Variants in CALCB observed in about 807,000 individuals in gnomAD.
The protein encoded by CALCB is calcitonin gene-related peptide 2.
CALCB carries 8 observed loss-of-function variants against 10.7 expected under a neutral mutation model. The observed-to-expected ratio is 0.75, with a 90% CI of 0.44 to 1.34. The LOEUF (loss-of-function observed/expected upper bound fraction) is 1.34, where lower values mean the gene tolerates loss of function less well. CALCB is among the 40% of genes most tolerant of loss of function. The pLI is 0.01. For missense variants in CALCB, 176 were observed against 162.5 expected (o/e 1.08, Z -0.45); for synonymous variants, 76 against 66.9 (o/e 1.14, Z -0.66).
Position 15,075,116 on chromosome 11 carries a change from C to T in CALCB, c.142C>T (p.Leu48Phe), listed in dbSNP as rs777490359. ...PATLSKEDAR[L>F]LLAALVQDYV... is the part of the protein sequence containing the mutation. ...CACACTCAGTAAAGAGGACGCGCGC[C>T]TCCTGCTGGCTGCACTGGTGCAGGA... Residue 48 changes from leucine to phenylalanine, a missense_variant, in exon 3 of 5, where the codon CTC becomes TTC. Transcript: ENST00000324229. The T allele has an allele frequency of 7.4e-6, 12 of 1,614,102 alleles. No homozygotes were observed.
intron 1 of CALCB, 140 bp from the exon 2 acceptor site, chr11:15,074,570 C>T: frequency 1.6e-6 from 1 of 641,162 alleles, no homozygotes; most frequent in Non-Finnish European, 2.8e-6. Context: ...AGATTCACAG[C>T]AGCCCTTCCT....
chr11:15,074,849 C>T, intron 2 of CALCB, 45 bp downstream of exon 2: 1 of 1,543,074 alleles, frequency 6.5e-7, no homozygotes, highest in Non-Finnish European at 8.9e-7. Flanking sequence ...CCCACTGCCC[C>T]TAGGACCAGA....
chr11:15,074,310 T>A (rs967850865), intron 1 of CALCB, among the ~76,000 whole-genome samples: 2 of 151,994 alleles, frequency 1.3e-5, no homozygotes, highest in African/African-American at 4.8e-5. Context: ...CACCTTCCCC[T>A]CGCATGCGTT....
chr11:15,074,474 C>CA (rs1590301697), intron 1 of CALCB, among the ~76,000 whole-genome samples: 1 of 152,182 alleles, frequency 6.6e-6, no homozygotes, highest in East Asian at 1.9e-4. Flanking sequence ...AAAACAGAAC[C>CA]AAAATTCATC....
At chr11:15,073,726 C>G (rs1850368975) in intron 1 of CALCB, 63 bp downstream of exon 1, 1 of 152,538 alleles carries the variant, frequency 6.6e-6, no homozygotes, top group Admixed American at 6.5e-5. Flanking sequence ...ACTAGTTCAT[C>G]CAGTTTGCTC....
At position 15,078,607 on chromosome 11, in the gene CALCB, GATA is replaced by G. The variant is rs921931737; in HGVS notation, c.*558_*560del. 4 of 152,286 alleles carry G rather than the reference GATA, an allele frequency of 2.6e-5. No individual in the cohort carries two copies. The highest frequency in any genetic ancestry group is 1.9e-4 in the East Asian group (1 of 5,194). The allele number at this position is 152,286 out of a possible 1,614,324, so 9.4% of individuals were successfully genotyped here. On this transcript the variant is annotated 3_prime_UTR_variant, in exon 5 of 5. Coordinates refer to ENST00000324229, the MANE Select transcript of CALCB (RefSeq NM_000728.4). ...ATGTAATAATAATGATGATGATGAT[GATA>G]ATAATAAATATTTTTGAGTGCTTAC... is the stretch of plus-strand genomic sequence containing the variant.
chr11:15,075,049 T>TC lies in CALCB; in HGVS notation c.87-9dup. ...GCTCACAGCCTGCAAGGAGTTTGCT[T>TC]CCCTTCCACAGGTCTGCCCTGGAGA... is the stretch of plus-strand genomic sequence containing the variant. On this transcript the variant is annotated splice_polypyrimidine_tract_variant and intron_variant, in intron 2 of 4. Coordinates refer to ENST00000324229, the MANE Select transcript of CALCB (RefSeq NM_000728.4). The TC allele has an allele frequency of 6.2e-7, 1 of 1,614,100 alleles. No individual in the cohort carries two copies. Among genetic ancestry groups the TC allele is most frequent in the Non-Finnish European group, 8.5e-7 (1 of 1,179,988 alleles).
At position 15,075,050 on chromosome 11, in the gene CALCB, C is replaced by G. The variant is rs748987067; in HGVS notation, c.87-11C>G. On this transcript the variant is annotated splice_polypyrimidine_tract_variant and intron_variant, in intron 2 of 4. Coordinates refer to ENST00000324229, the MANE Select transcript of CALCB (RefSeq NM_000728.4). ...CTCACAGCCTGCAAGGAGTTTGCTT[C>G]CCTTCCACAGGTCTGCCCTGGAGAG... 3.1e-6 allele frequency: 5 copies of G among 1,614,174 alleles called. No homozygotes were observed. In the South Asian group the frequency reaches 4.4e-5, roughly 14 times the overall value.
chr11:15,075,197 A>G lies in CALCB; in HGVS notation c.223A>G (p.Ser75Gly). The change falls in exon 3 of 5, where the codon AGC becomes GGC. Residue 75 changes from serine to glycine, a missense_variant and splice_region_variant. Physicochemically the swap from Ser to Gly is moderately conservative, Grantham distance 56 (BLOSUM62 0). Transcript: ENST00000324229. ...LKQEQETQGS[S>G]SAAQKRACNT... ...GCAGGAGCAGGAGACACAGGGCTCC[A>G]GGTGAGGTTCCCCAAGCGCCCAGCA... is the stretch of plus-strand genomic sequence containing the variant. 1 of 1,614,106 alleles carries G rather than the reference A, an allele frequency of 6.2e-7. No homozygotes were observed. Among genetic ancestry groups the G allele is most frequent in the South Asian group, 1.1e-5 (1 of 91,066 alleles).
rs773048356 is a variant in CALCB, at chr11:15,077,410, G to A, written c.349G>A (p.Ala117Thr). 6 of 1,614,110 alleles carry A rather than the reference G, an allele frequency of 3.7e-6. No individual in the cohort carries two copies. In the East Asian group the frequency reaches 1.3e-4, roughly 36 times the overall value. Reference protein sequence around the residue: ...NFVPTNVGSKAFGRRRRDLQA With the variant: ...NFVPTNVGSKTFGRRRRDLQA ...CGTGCCCACCAATGTGGGTTCCAAA[G>A]CCTTTGGCAGGCGCCGCAGGGACCT... is the stretch of plus-strand genomic sequence containing the variant. The change falls in exon 4 of 5, where the codon GCC becomes ACC. Residue 117 changes from alanine to threonine, a missense_variant. Transcript: ENST00000324229.
At chr11:15,074,631 C>A in intron 1 of CALCB, 79 bp from the exon 2 acceptor site, 2 of 1,094,262 alleles carry the variant, frequency 1.8e-6, no homozygotes, top group South Asian at 1.4e-5. Context: ...TGCCTAAGGT[C>A]ACATGGCAGT....
chr11:15,073,822 G>A (rs927119495), intron 1 of CALCB, among the ~76,000 whole-genome samples, 159 bp downstream of exon 1: 34 of 152,386 alleles, frequency 2.2e-4, no homozygotes, highest in Admixed American at 2.1e-3. Flanking sequence ...TAGAAGGCGA[G>A]CGGTTAGGGT....
At chr11:15,074,831 C>T (rs763360487) in intron 2 of CALCB, 27 bp downstream of exon 2, 1 of 1,592,946 alleles carries the variant, frequency 6.3e-7, no homozygotes, top group Non-Finnish European at 8.6e-7. Flanking sequence ...CCAGAGGCGC[C>T]TTCTGCTCCC....
intron 3 of CALCB, 130 bp from the exon 4 acceptor site, chr11:15,077,156 T>C (rs1850402774): frequency 1.3e-5 from 13 of 970,650 alleles, no homozygotes; most frequent in Non-Finnish European, 1.8e-5. Flanking sequence ...CTAACAGCTT[T>C]GATAATTGCA....
chr11:15,075,756 G>A (rs1457116392), intron 3 of CALCB, among the ~76,000 whole-genome samples: 1 of 152,186 alleles, frequency 6.6e-6, no homozygotes, highest in Non-Finnish European at 1.5e-5. Context: ...AGATGTGCAA[G>A]CTCTGTGGAG....
At position 15,074,803 on chromosome 11, in the gene CALCB, A is replaced by C. The variant is rs746992399; in HGVS notation, c.85A>C (p.Arg29=). 6.2e-7 allele frequency: 1 copy of C among 1,612,720 alleles called. No homozygotes were observed. Among genetic ancestry groups the C allele is most frequent in the Non-Finnish European group, 8.5e-7 (1 of 1,179,284 alleles). Residue 29 remains arginine, a splice_region_variant and synonymous_variant, in exon 2 of 5, where the codon AGG becomes CGG. Coordinates refer to ENST00000324229, the MANE Select transcript of CALCB (RefSeq NM_000728.4). ...GGGCAGCCTCCAGGCGGCGCCATTC[A>C]GGTGAGACAGCCTGGAGCCAGAGGC... ...QAGSLQAAPF[R]SALESSPDPA...
At chr11:15,074,632 A>G in intron 1 of CALCB, 78 bp from the exon 2 acceptor site, 1 of 1,098,700 alleles carries the variant, frequency 9.1e-7, no homozygotes, top group Non-Finnish European at 1.4e-6. Context: ...GCCTAAGGTC[A>G]CATGGCAGTT....
At position 15,074,788 on chromosome 11, in the gene CALCB, C is replaced by G; in HGVS notation, c.70C>G (p.Gln24Glu). Residue 24 changes from glutamine to glutamate, a missense_variant, in exon 2 of 5, where the codon CAG (glutamine) becomes GAG (glutamate). Coordinates refer to ENST00000324229, the MANE Select transcript of CALCB (RefSeq NM_000728.4). Reference sequence around the variant, plus strand: ...GGTCCTGTACCAGGCGGGCAGCCTCCAGGCGGCGCCATTCAGGTGAGACAG... The same window carrying G: ...GGTCCTGTACCAGGCGGGCAGCCTCGAGGCGGCGCCATTCAGGTGAGACAG... ...ILVLYQAGSLQAAPFRSALES... is the reference protein window; with the variant it reads ...ILVLYQAGSLEAAPFRSALES... 6.2e-7 allele frequency: 1 copy of G among 1,613,834 alleles called. No individual in the cohort carries two copies. The highest frequency in any genetic ancestry group is 2.2e-5 in the East Asian group (1 of 44,878).
chr11:15,075,546 TCTC>T (rs1278349105), intron 3 of CALCB, among the ~76,000 whole-genome samples: 1 of 152,126 alleles, frequency 6.6e-6, no homozygotes, highest in Non-Finnish European at 1.5e-5. Flanking sequence ...TACTGGGAGA[TCTC>T]CTAGCATTGG....
Sources: allele counts gnomAD v4.1 joint callset (sites outside exome capture counted in the v4.1 genomes callset), GRCh38; gene constraint gnomAD v4.1.1; transcripts MANE v1.5; gene names NCBI Gene and HGNC (gene_info 2026-07-23, HGNC 2026-07-21).